Variants in GGA2 observed in about 807,000 individuals in gnomAD.
GGA2 encodes the protein ADP-ribosylation factor-binding protein GGA2.
GGA2 carries 48 observed loss-of-function variants against 79.5 expected under a neutral mutation model. The observed-to-expected ratio is 0.60, with a 90% CI of 0.48 to 0.77. GGA2 has a LOEUF of 0.77. Among genes scored for constraint, GGA2 ranks in the 30% least tolerant of loss-of-function variants. The pLI, the probability that GGA2 is intolerant of heterozygous loss-of-function variation, is 0.00. For missense variants in GGA2, 770 were observed against 774.0 expected (o/e 0.99, Z 0.06); for synonymous variants, 317 against 302.0 (o/e 1.05, Z -0.51).
chr16:23,480,662 T>C lies in GGA2; in HGVS notation c.989A>G (p.Asp330Gly). ...FGNRVTSSLG[D>G]IPVSRVFQNP... ...AAACATACCTCTGGAGACAGGGATG[T>C]CTCCCAATGAGCTGGTCACTCTGTT... The change falls in exon 10 of 17, where the codon GAC becomes GGC. Residue 330 changes from aspartate to glycine, a missense_variant. Physicochemically the swap from Asp to Gly is moderately conservative, Grantham distance 94. Coordinates refer to ENST00000309859, the MANE Select transcript of GGA2 (RefSeq NM_015044.4). 1 of 1,612,622 alleles carries C rather than the reference T, an allele frequency of 6.2e-7. No individual in the cohort carries two copies. The highest frequency in any genetic ancestry group is 8.5e-7 in the Non-Finnish European group (1 of 1,178,712).
At chr16:23,480,425 C>A (rs1165662177) in intron 10 of GGA2, 4 of 495,896 alleles carry the variant, frequency 8.1e-6, no homozygotes, top group Non-Finnish European at 1.5e-5. Context: ...TAGCCATCTG[C>A]TTTTGTGTGT....
At chr16:23,468,475 C>A (rs759238529) in intron 16 of GGA2, among the ~76,000 whole-genome samples, 4 of 143,328 alleles carry the variant, frequency 2.8e-5, no homozygotes, top group Admixed American at 2.1e-4. Context: ...TGCACCTGGC[C>A]GACTTTATTT....
chr16:23,483,391 G>T (rs1469375046), intron 8 of GGA2, among the ~76,000 whole-genome samples: 1 of 152,118 alleles, frequency 6.6e-6, no homozygotes, highest in Non-Finnish European at 1.5e-5. Context: ...CTACTCGGGA[G>T]GCTTTCTCTT....
intron 1 of GGA2, chr16:23,521,704 T>C: frequency 2.2e-6 from 1 of 454,418 alleles, no homozygotes; most frequent in South Asian, 1.5e-5. Flanking sequence ...ACATTTCATT[T>C]AGCATGAAGT....
In GGA2 at chr16:23,463,745, CAGG is replaced by C. The variant is rs1178893394; in HGVS notation, c.*3842_*3844del. 2.6e-5 allele frequency: 4 copies of C among 152,224 alleles called. No homozygotes were observed. The highest frequency in any genetic ancestry group is 3.9e-4 in the East Asian group (2 of 5,184). The allele number at this position is 152,224 out of a possible 1,614,324, so 9.4% of individuals were successfully genotyped here. A position where few individuals can be genotyped will look rare whatever the true frequency, so the allele number is the denominator to read the frequency against. On this transcript the variant is annotated 3_prime_UTR_variant, in exon 17 of 17. Coordinates refer to ENST00000309859, the MANE Select transcript of GGA2 (RefSeq NM_015044.4). ...ATCCCAGCACTTTGGGAGGTCAAGGCAGGAGGACTGCTTGAGCCCAGGAGACCA... is the reference window on the plus strand; with the variant it reads ...ATCCCAGCACTTTGGGAGGTCAAGGCAGGACTGCTTGAGCCCAGGAGACCA...
intron 5 of GGA2, among the ~76,000 whole-genome samples, chr16:23,491,306 CAAAAAAAAAA>C (rs35347154): frequency 1.5e-5 from 1 of 66,504 alleles, no homozygotes; most frequent in African/African-American, 6.4e-5. Context: ...CACCTTGTCT[CAAAAAAAAAA>C]AAAAAAAAAA....
intron 8 of GGA2, 69 bp downstream of exon 8, chr16:23,485,946 A>C (rs1964706008): frequency 7.0e-7 from 1 of 1,434,612 alleles, no homozygotes. Flanking sequence ...TCATGGGTGC[A>C]AACAGGTGAA....
In GGA2 at chr16:23,510,347, G is replaced by C. The variant is rs769476854; in HGVS notation, c.65C>G (p.Pro22Arg). 7.0e-7 allele frequency: 1 copy of C among 1,436,552 alleles called. No homozygotes were observed. Among genetic ancestry groups the C allele is most frequent in the Admixed American group, 2.6e-5 (1 of 39,124 alleles). The allele number at this position is 1,436,552 out of a possible 1,614,324, so 89.0% of individuals were successfully genotyped here. Residue 22 changes from proline to arginine, a missense_variant, in exon 1 of 17, where the codon CCG becomes CGG. Transcript: ENST00000309859. ...GAGCCACAGCTCCAGCGACGCTGCC[G>C]GGCCCGGGGGACCCTGGGCCGACTC... ...GTESAQGPPG[P>R]AASLELWLNK...
rs1413825873 is a variant in GGA2 at position 23,510,299 on chromosome 16, G to A, written c.91+22C>T. The A allele has an allele frequency of 3.6e-6, 5 of 1,401,700 alleles. No homozygotes were observed. In the South Asian group the frequency reaches 6.9e-5, roughly 19 times the overall value. The allele number at this position is 1,401,700 out of a possible 1,614,324, so 86.8% of individuals were successfully genotyped here. A position where few individuals can be genotyped will look rare whatever the true frequency, so the allele number is the denominator to read the frequency against. ...TCACGTGCGGCGCAGCGGCTGCGCC[G>A]AAGGCCTGCCAGGCTACTCACTGAG... On this transcript the variant is annotated intron_variant, in intron 1 of 16. Coordinates refer to ENST00000309859, the MANE Select transcript of GGA2 (RefSeq NM_015044.4).
intron 1 of GGA2, among the ~76,000 whole-genome samples, chr16:23,503,146 T>G (rs1964938116): frequency 6.6e-6 from 1 of 152,254 alleles, no homozygotes; most frequent in Admixed American, 6.5e-5. Context: ...ATCCCTATTT[T>G]CTTTCTTGTG....
At chr16:23,505,966 C>T (rs1028195323) in intron 1 of GGA2, among the ~76,000 whole-genome samples, 1 of 152,130 alleles carries the variant, frequency 6.6e-6, no homozygotes, top group Non-Finnish European at 1.5e-5. Context: ...GAGTTAGTTT[C>T]AATTACTTGC....
At chr16:23,469,022 T>C (rs1405092149) in intron 15 of GGA2, 26 bp from the exon 16 acceptor site, 2 of 1,354,904 alleles carry the variant, frequency 1.5e-6, no homozygotes, top group Non-Finnish European at 2.1e-6. Flanking sequence ...AACCAACATG[T>C]AACTCATTCC....
intron 8 of GGA2, among the ~76,000 whole-genome samples, chr16:23,484,482 CAAAGG>C (rs1244471176): frequency 2.0e-5 from 3 of 152,030 alleles, no homozygotes; most frequent in African/African-American, 7.3e-5. Flanking sequence ...AAAGACAGCC[CAAAGG>C]AAGGGAGAAA....
intron 13 of GGA2, among the ~76,000 whole-genome samples, chr16:23,477,072 C>T (rs1451101537): frequency 6.6e-6 from 1 of 152,176 alleles, no homozygotes; most frequent in African/African-American, 2.4e-5. Flanking sequence ...CTACCTCAGC[C>T]TCCTGAGCAG....
intron 14 of GGA2, among the ~76,000 whole-genome samples, chr16:23,474,537 T>A (rs1964552490): frequency 6.6e-6 from 1 of 152,082 alleles, no homozygotes; most frequent in Admixed American, 6.6e-5. Flanking sequence ...TTTGTATTTT[T>A]TGTAGAGAGA....
In GGA2 at chr16:23,478,438, C is replaced by T; in HGVS notation, c.1222G>A (p.Gly408Ser). ...NPSSSTLPGG[G>S]VQNPSADRNL... The stretch of plus-strand genomic sequence containing the variant: ...CTGTCTGCAGAAGGGTTCTGAACAC[C>T]ACCGCCTGGCAGCGTGCTGGAGGAG... The change falls in exon 13 of 17, where the codon GGT becomes AGT. Residue 408 changes from glycine to serine, a missense_variant. Physicochemically the swap from Gly to Ser is moderately conservative, Grantham distance 56 (BLOSUM62 0). Transcript: ENST00000309859. The T allele has an allele frequency of 6.2e-7, 1 of 1,611,874 alleles. No individual in the cohort carries two copies. Among genetic ancestry groups the T allele is most frequent in the Non-Finnish European group, 8.5e-7 (1 of 1,178,414 alleles).
At chr16:23,475,417 T>C (rs1257933373) in intron 13 of GGA2, among the ~76,000 whole-genome samples, 1 of 151,706 alleles carries the variant, frequency 6.6e-6, no homozygotes, top group Non-Finnish European at 1.5e-5. Context: ...CTCAAACTCT[T>C]GACCTCAGGT....
chr16:23,508,254 C>T (rs969631079), intron 1 of GGA2, among the ~76,000 whole-genome samples: 24 of 151,962 alleles, frequency 1.6e-4, no homozygotes, highest in African/African-American at 5.8e-4. Flanking sequence ...TTAGTAGAGA[C>T]GGGGTTTCAC....
In GGA2 at chr16:23,467,387, A is replaced by ACACACACACACACACAC. The variant is rs1964451036; in HGVS notation, c.*202_*203insGTGTGTGTGTGTGTGTG. 1 of 308,086 alleles carries ACACACACACACACACAC rather than the reference A, an allele frequency of 3.2e-6. No individual in the cohort carries two copies. The highest frequency in any genetic ancestry group is 2.9e-5 in the African/African-American group (1 of 34,512). 19.1% of individuals were successfully genotyped at this position (308,086 alleles called of 1,614,324 possible). ...GCCCTGTGCTACCACCCTCTCCCCGAACACACACACACACACACACACACA... is the reference window on the plus strand; with the variant it reads ...GCCCTGTGCTACCACCCTCTCCCCGACACACACACACACACACACACACACACACACACACACACACA... On this transcript the variant is annotated 3_prime_UTR_variant, in exon 17 of 17. Transcript: ENST00000309859.
Sources: allele counts gnomAD v4.1 joint callset (sites outside exome capture counted in the v4.1 genomes callset), GRCh38; gene constraint gnomAD v4.1.1; transcripts MANE v1.5; gene names NCBI Gene and HGNC (gene_info 2026-07-23, HGNC 2026-07-21).